The following MAPK10 variants were observed in gnomAD, a reference collection of about 807,000 sequenced individuals.
The protein encoded by MAPK10 is mitogen-activated protein kinase 10.
A neutral mutation model predicts 59.3 loss-of-function variants in MAPK10; 25 were observed. The ratio of observed to expected loss-of-function variants is 0.42; its 90% CI spans 0.31 to 0.59. The LOEUF is 0.59. MAPK10 is among the 20% of genes least tolerant of loss of function. The pLI is 0.15. For missense variants in MAPK10, 351 were observed against 568.9 expected (o/e 0.62, Z 3.90); for synonymous variants, 190 against 200.5 (o/e 0.95, Z 0.44).
chr4:86,522,642 T>C (rs747389514), intron 1 of MAPK10, among the ~76,000 whole-genome samples: 10 of 152,244 alleles, frequency 6.6e-5, no homozygotes, highest in Non-Finnish European at 1.2e-4. Flanking sequence ...TGGTTCTTTT[T>C]GTTCCCCACC....
At chr4:86,354,104 GTGTGTGTGT>G (rs1564661683) in intron 2 of MAPK10, among the ~76,000 whole-genome samples, 78 of 145,336 alleles carry the variant, frequency 5.4e-4, no homozygotes, top group African/African-American at 1.7e-3. Flanking sequence ...GAGCTAAATT[GTGTGTGTGT>G]GTGTGTGTGT....
chr4:86,119,037 C>G (rs2058760437), intron 4 of MAPK10, among the ~76,000 whole-genome samples: 1 of 152,028 alleles, frequency 6.6e-6, no homozygotes, highest in African/African-American at 2.4e-5. Context: ...GTTTTTCTAT[C>G]AAAAGTCAAC....
chr4:86,397,952 G>C (rs1743179748), intron 1 of MAPK10, among the ~76,000 whole-genome samples: 1 of 149,996 alleles, frequency 6.7e-6, no homozygotes, highest in Admixed American at 6.6e-5. Flanking sequence ...TTTAAGAAGT[G>C]GGTACAGAGA....
intron 1 of MAPK10, among the ~76,000 whole-genome samples, chr4:86,424,028 T>A (rs887412069): frequency 1.3e-5 from 2 of 152,010 alleles, no homozygotes; most frequent in African/African-American, 4.8e-5. Flanking sequence ...TCATTCCATT[T>A]ATAAGGCTGA....
intron 11 of MAPK10, among the ~76,000 whole-genome samples, chr4:86,035,097 G>A (rs1330956350): frequency 3.3e-5 from 5 of 152,072 alleles, no homozygotes; most frequent in Admixed American, 6.5e-5. Flanking sequence ...GGGGCCAGGC[G>A]CTGTGGCTCA....
intron 1 of MAPK10, among the ~76,000 whole-genome samples, chr4:86,552,254 T>C (rs1172316516): frequency 2.0e-5 from 3 of 151,506 alleles, no homozygotes; most frequent in Non-Finnish European, 4.4e-5. Context: ...ACCTCGTCTT[T>C]ACAAAAAATA....
intron 2 of MAPK10, among the ~76,000 whole-genome samples, chr4:86,255,309 G>A (rs977929479): frequency 1.3e-5 from 2 of 152,120 alleles, no homozygotes; most frequent in African/African-American, 2.4e-5. Context: ...GTATATCCCT[G>A]TGTCAATGAA....
chr4:86,401,274 T>C (rs1743689159), intron 1 of MAPK10, among the ~76,000 whole-genome samples: 1 of 152,182 alleles, frequency 6.6e-6, no homozygotes, highest in African/African-American at 2.4e-5. Flanking sequence ...CAAGATGTGA[T>C]ATATTTCTAT....
At chr4:86,121,226 C>A (rs1321800019) in intron 4 of MAPK10, among the ~76,000 whole-genome samples, 2 of 152,146 alleles carry the variant, frequency 1.3e-5, no homozygotes, top group African/African-American at 4.8e-5. Context: ...TCTCACAATT[C>A]TTGAGTCTGG....
intron 3 of MAPK10, among the ~76,000 whole-genome samples, chr4:86,160,863 T>C (rs2069379476): frequency 6.6e-6 from 1 of 152,062 alleles, no homozygotes; most frequent in Non-Finnish European, 1.5e-5. Flanking sequence ...AATAAAACTA[T>C]TTTTCCTGGA....
chr4:86,328,598 A>T (rs1257583264), intron 2 of MAPK10, among the ~76,000 whole-genome samples: 1 of 152,198 alleles, frequency 6.6e-6, no homozygotes, highest in Non-Finnish European at 1.5e-5. Context: ...CTTGAAACAA[A>T]CCCAAATGCC....
chr4:86,217,336 T>C (rs767851841), intron 2 of MAPK10, among the ~76,000 whole-genome samples: 1 of 152,196 alleles, frequency 6.6e-6, no homozygotes, highest in African/African-American at 2.4e-5. Flanking sequence ...TTTTCTGTCA[T>C]CCTTATAATT....
chr4:86,079,896 A>T, intron 9 of MAPK10: 1 of 152,132 alleles, frequency 6.6e-6, no homozygotes. Flanking sequence ...AAATTTAAAA[A>T]GGAAGATAGA....
At chr4:86,319,360 C>A (rs2095847373) in intron 2 of MAPK10, among the ~76,000 whole-genome samples, 1 of 152,140 alleles carries the variant, frequency 6.6e-6, no homozygotes, top group East Asian at 1.9e-4. Context: ...TGAAAACATT[C>A]CTCACCTAGC....
intron 2 of MAPK10, among the ~76,000 whole-genome samples, chr4:86,330,063 G>A (rs1232248499): frequency 2.0e-5 from 3 of 152,146 alleles, no homozygotes; most frequent in Admixed American, 2.0e-4. Context: ...ATGAGTGTGT[G>A]TACACATGTG....
chr4:86,301,704 C>G (rs2095475627), intron 2 of MAPK10, among the ~76,000 whole-genome samples: 1 of 152,064 alleles, frequency 6.6e-6, no homozygotes, highest in East Asian at 1.9e-4. Flanking sequence ...GTCAGAAATA[C>G]AATGGTGAAA....
At chr4:86,055,401 C>T (rs915911516) in intron 11 of MAPK10, among the ~76,000 whole-genome samples, 2 of 149,632 alleles carry the variant, frequency 1.3e-5, no homozygotes, top group African/African-American at 2.5e-5. Context: ...TGAGAATAAG[C>T]CCTTTATAAA....
chr4:86,372,179 C>T (rs1738867902), intron 1 of MAPK10, among the ~76,000 whole-genome samples: 1 of 152,106 alleles, frequency 6.6e-6, no homozygotes, highest in Non-Finnish European at 1.5e-5. Flanking sequence ...TCATAACAAA[C>T]AGTCTCTCAG....
chr4:86,516,157 GT>G (rs55654694), intron 1 of MAPK10, among the ~76,000 whole-genome samples: 34,320 of 151,996 alleles, frequency 0.23, 4,597 homozygotes, highest in Admixed American at 0.3. Flanking sequence ...CCCATTTTAT[GT>G]TTTTGTTTAC....
Sources: allele counts gnomAD v4.1 joint callset (sites outside exome capture counted in the v4.1 genomes callset), GRCh38; gene constraint gnomAD v4.1.1; transcripts MANE v1.5; gene names NCBI Gene and HGNC (gene_info 2026-07-23, HGNC 2026-07-21).